Variants in SH3PXD2A observed in about 807,000 individuals in gnomAD.
The protein encoded by SH3PXD2A is SH3 and PX domain-containing protein 2A.
In SH3PXD2A, 32 loss-of-function variants were observed where a neutral mutation model predicts 115.2. The ratio of observed to expected loss-of-function variants is 0.28; its 90% confidence interval spans 0.21 to 0.37. The LOEUF (loss-of-function observed/expected upper bound fraction) is 0.37, where lower values mean the gene tolerates loss of function less well. SH3PXD2A is among the 10% of genes least tolerant of loss of function. SH3PXD2A has a pLI of 1.00. For missense variants in SH3PXD2A, 1,328 were observed against 1,498.7 expected (o/e 0.89, Z 1.88); for synonymous variants, 610 against 629.1 (o/e 0.97, Z 0.45).
intron 4 of SH3PXD2A, among the ~76,000 whole-genome samples, chr10:103,732,576 C>T (rs2038333568): frequency 6.6e-6 from 1 of 152,208 alleles, no homozygotes; most frequent in African/African-American, 2.4e-5. Context: ...GGGCAGGGAG[C>T]CCAAAGTCTG....
rs991289267 is a variant in SH3PXD2A, at chr10:103,693,225, GCGCCCGCCCGCC to G, written c.399-181_399-170del. 5.7e-4 allele frequency: 96 copies of G among 167,610 alleles called. 1 individual carries two copies. The highest frequency in any genetic ancestry group is 5.5e-3 in the Middle Eastern group (2 of 362). The allele number at this position is 167,610 out of a possible 1,614,324, so 10.4% of individuals were successfully genotyped here. A position where few individuals can be genotyped will look rare whatever the true frequency, so the allele number is the denominator to read the frequency against. The stretch of plus-strand genomic sequence containing the variant: ...TCCGCAGCCGCACGCACTGCGCGCC[GCGCCCGCCCGCC>G]CGCCCGCCCGCGGGCCCCCTGCCAG... On this transcript the variant is annotated intron_variant, in intron 5 of 14. Coordinates refer to ENST00000369774, the MANE Select transcript of SH3PXD2A (RefSeq NM_001394015.1).
At chr10:103,725,086 G>A (rs1221070452) in intron 4 of SH3PXD2A, among the ~76,000 whole-genome samples, 1 of 152,222 alleles carries the variant, frequency 6.6e-6, no homozygotes, top group Non-Finnish European at 1.5e-5. Flanking sequence ...AACCCAAGAA[G>A]ATGTGGAAGA....
intron 2 of SH3PXD2A, among the ~76,000 whole-genome samples, chr10:103,799,046 C>A (rs1490640372): frequency 6.6e-6 from 1 of 152,218 alleles, no homozygotes; most frequent in African/African-American, 2.4e-5. Flanking sequence ...TTTGAACCTT[C>A]ACACTACAGA....
chr10:103,819,012 G>A (rs550360205), intron 1 of SH3PXD2A, among the ~76,000 whole-genome samples: 1 of 152,150 alleles, frequency 6.6e-6, no homozygotes, highest in Non-Finnish European at 1.5e-5. Flanking sequence ...TATTTGATCC[G>A]GGCTTCCTTT....
At chr10:103,684,672 G>A (rs2134112936) in intron 6 of SH3PXD2A, among the ~76,000 whole-genome samples, 1 of 152,154 alleles carries the variant, frequency 6.6e-6, no homozygotes, top group South Asian at 2.1e-4. Context: ...CTTAATAGTG[G>A]CCAGAACTTA....
At position 103,671,113 on chromosome 10, in the gene SH3PXD2A, A is replaced by G. The variant is rs2037452899; in HGVS notation, c.428-2461T>C. ...CTTCATAAGGAGACCTGAAAGCACT[A>G]ACCTCTTTCAGTGAGCCAAGGAAAG... is the stretch of plus-strand genomic sequence containing the variant. On this transcript the variant is annotated intron_variant, in intron 6 of 14. Coordinates refer to ENST00000369774, the MANE Select transcript of SH3PXD2A (RefSeq NM_001394015.1). Among the ~76,000 whole-genome samples, 3 of 152,216 alleles carry G rather than the reference A, an allele frequency of 2.0e-5. No homozygotes were observed. The South Asian group carries it at 6.2e-4, about 32-fold the overall frequency.
chr10:103,710,378 AAAT>A, intron 5 of SH3PXD2A, among the ~76,000 whole-genome samples: 1 of 152,328 alleles, frequency 6.6e-6, no homozygotes, highest in Admixed American at 6.5e-5. Context: ...CCATCTCAAA[AAAT>A]AATAATAATT....
intron 9 of SH3PXD2A, among the ~76,000 whole-genome samples, chr10:103,625,140 G>T (rs1056282134): frequency 1.3e-5 from 2 of 152,158 alleles, no homozygotes; most frequent in Admixed American, 6.5e-5. Flanking sequence ...ACTACTACTT[G>T]TTCTGTGCGC....
intron 5 of SH3PXD2A, among the ~76,000 whole-genome samples, chr10:103,702,042 C>T (rs943246116): frequency 6.7e-6 from 1 of 149,690 alleles, no homozygotes; most frequent in African/African-American, 2.5e-5. Flanking sequence ...CATCCATCAT[C>T]CATCTATCCA....
intron 5 of SH3PXD2A, among the ~76,000 whole-genome samples, chr10:103,720,459 C>G (rs2038168600): frequency 6.6e-6 from 1 of 152,214 alleles, no homozygotes; most frequent in Admixed American, 6.5e-5. Flanking sequence ...CCACCTCCCC[C>G]ACTGAGTCTG....
At chr10:103,769,715 A>G (rs1426914009) in intron 2 of SH3PXD2A, among the ~76,000 whole-genome samples, 1 of 152,046 alleles carries the variant, frequency 6.6e-6, no homozygotes, top group African/African-American at 2.4e-5. Context: ...TACCGGTGTG[A>G]GCCACGGCGC....
intron 5 of SH3PXD2A, among the ~76,000 whole-genome samples, chr10:103,721,707 G>A (rs374792985): frequency 6.6e-6 from 1 of 152,170 alleles, no homozygotes; most frequent in Admixed American, 6.5e-5. Flanking sequence ...GAGAGGCTTG[G>A]AGAGAACATC....
chr10:103,776,436 C>CTGTG (rs34034863), intron 2 of SH3PXD2A, among the ~76,000 whole-genome samples: 18,117 of 124,948 alleles, frequency 0.14, 1,347 homozygotes, highest in East Asian at 0.36. Flanking sequence ...GTGTGTGTGT[C>CTGTG]TGTGTGTGTG....
At chr10:103,705,890 A>G (rs1592311158) in intron 5 of SH3PXD2A, among the ~76,000 whole-genome samples, 1 of 152,006 alleles carries the variant, frequency 6.6e-6, no homozygotes, top group Admixed American at 6.6e-5. Context: ...CCAGCTACTC[A>G]GGAGGCTGAG....
At chr10:103,731,159 G>GT (rs201675074) in intron 4 of SH3PXD2A, among the ~76,000 whole-genome samples, 26 of 150,872 alleles carry the variant, frequency 1.7e-4, no homozygotes, top group African/African-American at 6.1e-4. Flanking sequence ...AAGGAGTCCC[G>GT]TTTTTGTTTT....
intron 1 of SH3PXD2A, among the ~76,000 whole-genome samples, chr10:103,830,059 A>G (rs1163836509): frequency 6.6e-6 from 1 of 152,228 alleles, no homozygotes; most frequent in Non-Finnish European, 1.5e-5. Flanking sequence ...TTCTGGAGCA[A>G]TCCACAAGAA....
chr10:103,807,349 G>A (rs78894938), intron 1 of SH3PXD2A, among the ~76,000 whole-genome samples: 2,380 of 152,336 alleles, frequency 0.016, 32 homozygotes, highest in Non-Finnish European at 0.025. Flanking sequence ...AGCTATGGAG[G>A]AAATTGCATA....
At chr10:103,702,596 C>CGTGTGTGTGTGT (rs6144056) in intron 5 of SH3PXD2A, among the ~76,000 whole-genome samples, 11,467 of 147,450 alleles carry the variant, frequency 0.078, 517 homozygotes, top group South Asian at 0.13. Flanking sequence ...TGTGTGTGTG[C>CGTGTGTGTGTGT]GTGTGTGTGT....
chr10:103,627,301 CG>C lies in SH3PXD2A; in HGVS notation c.605-100del. 1.4e-6 allele frequency: 1 copy of C among 719,468 alleles called. No individual in the cohort carries two copies. The highest frequency in any genetic ancestry group is 2.1e-5 in the Admixed American group (1 of 48,192). 44.6% of individuals were successfully genotyped at this position (719,468 alleles called of 1,614,324 possible). On this transcript the variant is annotated intron_variant, in intron 8 of 14. Transcript: ENST00000369774. The surrounding 1 kb of genome is among the most constrained non-coding windows in gnomAD (Gnocchi z 4.4). Reference sequence around the variant, plus strand: ...AGGATGGAAGGAGAGGCACAAGAAGCGGAGCATGGAGCCAGATGGCCTGGGG... The same window carrying C: ...AGGATGGAAGGAGAGGCACAAGAAGCGAGCATGGAGCCAGATGGCCTGGGG...
Sources: allele counts gnomAD v4.1 joint callset (sites outside exome capture counted in the v4.1 genomes callset), GRCh38; gene constraint gnomAD v4.1.1; non-coding constraint Gnocchi (gnomAD v3.1); transcripts MANE v1.5; gene names NCBI Gene and HGNC (gene_info 2026-07-23, HGNC 2026-07-21).